BUB1B: variants seen among roughly 807,000 people sequenced by gnomAD.
BUB1B encodes BUB1 mitotic checkpoint serine/threonine kinase B.
In BUB1B, 86 loss-of-function variants were observed where a neutral mutation model predicts 137.7. That is an observed-to-expected ratio of 0.62 (90% confidence interval 0.52 to 0.75). The LOEUF (loss-of-function observed/expected upper bound fraction) is 0.75. Ranked by LOEUF, BUB1B falls within the 30% of genes least tolerant of loss-of-function variation. The pLI is 0.00. For missense variants in BUB1B, 1,130 were observed against 1,236.9 expected, an observed-to-expected ratio of 0.91 and a Z score of 1.30; for synonymous variants, 420 against 417.9, an observed-to-expected ratio of 1.00 and a Z score of -0.06.
chr15:40,193,470 T>A (rs1449275659), intron 8 of BUB1B, among the ~76,000 whole-genome samples: 9 of 129,780 alleles, frequency 6.9e-5, no homozygotes, highest in Non-Finnish European at 1.1e-4. Context: ...TATTACCACT[T>A]TTTTTTTTTT....
At chr15:40,193,582 C>G (rs1349861430) in intron 8 of BUB1B, among the ~76,000 whole-genome samples, 1 of 148,462 alleles carries the variant, frequency 6.7e-6, no homozygotes, top group African/African-American at 2.5e-5. Context: ...ACTATAGGTG[C>G]ATGACACCAT....
In BUB1B at chr15:40,208,749, G is replaced by A; in HGVS notation, c.2122G>A (p.Glu708Lys). ...ATGTCTTCAAATTCCTGAGAAACTA[G>A]AACTTACTAATGAGACTTCAGGTAG... is the stretch of plus-strand genomic sequence containing the variant. Reference protein sequence around the residue: ...IKCLQIPEKLELTNETSENPT... With the variant: ...IKCLQIPEKLKLTNETSENPT... Residue 708 changes from glutamate to lysine, a missense_variant, in exon 16 of 23, where the codon GAA becomes AAA. By Grantham distance (56) the Glu-to-Lys change is moderately conservative. Transcript: ENST00000287598. The A allele has an allele frequency of 6.2e-7, 1 of 1,613,102 alleles. No individual in the cohort carries two copies. The highest frequency in any genetic ancestry group is 1.1e-5 in the South Asian group (1 of 91,052).
At chr15:40,172,186 AAAAT>A (rs566633788) in intron 4 of BUB1B, among the ~76,000 whole-genome samples, 10 of 150,860 alleles carry the variant, frequency 6.6e-5, no homozygotes, top group African/African-American at 1.2e-4. Flanking sequence ...ATTTCTTACT[AAAAT>A]AAAGTAATAA....
chr15:40,170,665 A>G lies in BUB1B; in HGVS notation c.368A>G (p.Asn123Ser), dbSNP rs759232092. 1.4e-5 allele frequency: 23 copies of G among 1,613,756 alleles called. No individual in the cohort carries two copies. Among genetic ancestry groups the G allele is most frequent in the African/African-American group, 2.7e-5 (2 of 75,052 alleles). Residue 123 changes from asparagine to serine, a missense_variant, in exon 4 of 23, where the codon AAT (asparagine) becomes AGT (serine). Asn to Ser is a conservative substitution (Grantham distance 46). Transcript: ENST00000287598. ...TATTATAGTGATCCTCGATTTCTCA[A>G]TCTCTGGCTTAAATTAGTAAGTCTT... ...KRYYSDPRFLNLWLKLGRLCN... is the reference protein window; with the variant it reads ...KRYYSDPRFLSLWLKLGRLCN...
At chr15:40,174,140 G>A (rs758990390) in intron 4 of BUB1B, among the ~76,000 whole-genome samples, 2 of 151,972 alleles carry the variant, frequency 1.3e-5, no homozygotes, top group East Asian at 1.9e-4. Flanking sequence ...GCTGTCCCAC[G>A]CACAAGAACA....
chr15:40,185,853 C>G (rs986882487), intron 8 of BUB1B, among the ~76,000 whole-genome samples: 1 of 151,740 alleles, frequency 6.6e-6, no homozygotes, highest in Admixed American at 6.6e-5. Context: ...CTAGTGAGAC[C>G]CTGTCTCTAT....
Position 40,195,610 on chromosome 15 carries a change from G to A in BUB1B, c.1059-935G>A, listed in dbSNP as rs147777401. Among the ~76,000 whole-genome samples, 41 of 152,224 alleles carry A rather than the reference G, an allele frequency of 2.7e-4. No individual in the cohort carries two copies. In the East Asian group the frequency reaches 7.7e-3, roughly 29 times the overall value. ...TTACATTCCCCCCAACAGTGTAAAC[G>A]TGTTCCCGTTTCACCACATCCATGC... On this transcript the variant is annotated intron_variant, in intron 8 of 22. Coordinates refer to ENST00000287598, the MANE Select transcript of BUB1B (RefSeq NM_001211.6).
chr15:40,176,638 G>A lies in BUB1B; in HGVS notation c.546G>A (p.Lys182=). Residue 182 remains lysine, a synonymous_variant, in exon 5 of 23, where the codon AAG becomes AAA. Coordinates refer to ENST00000287598, the MANE Select transcript of BUB1B (RefSeq NM_001211.6). ...TATTTCAGGAAGGGATTCAACAGAA[G>A]GCTGAACCACTAGAAAGACTACAGT... ...DAIFQEGIQQ[K]AEPLERLQSQ... 6.2e-7 allele frequency: 1 copy of A among 1,614,086 alleles called. No homozygotes were observed. Among genetic ancestry groups the A allele is most frequent in the South Asian group, 1.1e-5 (1 of 91,078 alleles).
intron 6 of BUB1B, among the ~76,000 whole-genome samples, chr15:40,184,707 T>A (rs2037338119): frequency 6.6e-6 from 1 of 152,170 alleles, no homozygotes; most frequent in Non-Finnish European, 1.5e-5. Flanking sequence ...ATCCAGATCA[T>A]GATGAAGCTT....
chr15:40,188,636 G>A (rs996771416), intron 8 of BUB1B, among the ~76,000 whole-genome samples: 7 of 143,232 alleles, frequency 4.9e-5, no homozygotes, highest in Admixed American at 3.5e-4. Flanking sequence ...AGGCTGGAGT[G>A]CAGTGGCGCC....
At chr15:40,198,225 C>G (rs2037521253) in intron 9 of BUB1B, among the ~76,000 whole-genome samples, 1 of 147,554 alleles carries the variant, frequency 6.8e-6, no homozygotes, top group Non-Finnish European at 1.5e-5. Flanking sequence ...TTTTTTAATA[C>G]TCATTTCTAT....
At chr15:40,218,342 G>A in intron 21 of BUB1B, 114 bp from the exon 22 acceptor site, 1 of 776,574 alleles carries the variant, frequency 1.3e-6, no homozygotes, top group South Asian at 1.5e-5. Context: ...TAAAATGTAT[G>A]TCATAAAATA....
rs374318039 is a variant in BUB1B, at chr15:40,218,237, ATCTT to A, written c.2851-217_2851-214del. Among the ~76,000 whole-genome samples, 492 of 152,336 alleles carry A rather than the reference ATCTT, an allele frequency of 3.2e-3. 2 individuals are homozygous for A. The highest frequency in any genetic ancestry group is 0.011 in the African/African-American group (472 of 41,572). On this transcript the variant is annotated intron_variant, in intron 21 of 22. Coordinates refer to ENST00000287598, the MANE Select transcript of BUB1B (RefSeq NM_001211.6). The stretch of plus-strand genomic sequence containing the variant: ...TTGAATGTGATAGTCCAAATATTTC[ATCTT>A]TTGTTCTTAAGGATAATTCCTAGAA...
At chr15:40,209,562 T>C in intron 16 of BUB1B, 73 bp from the exon 17 acceptor site, 1 of 1,566,398 alleles carries the variant, frequency 6.4e-7, no homozygotes, top group Non-Finnish European at 8.8e-7. Context: ...TTTCTTCTAC[T>C]CTGTTATAAT....
intron 1 of BUB1B, among the ~76,000 whole-genome samples, chr15:40,163,406 C>T (rs2037060879): frequency 6.6e-6 from 1 of 152,186 alleles, no homozygotes; most frequent in Non-Finnish European, 1.5e-5. Flanking sequence ...AGGCCTGTCT[C>T]TATTTAAAAA....
intron 14 of BUB1B, 104 bp from the exon 15 acceptor site, chr15:40,206,080 C>A (rs1388663555): frequency 2.6e-6 from 3 of 1,176,294 alleles, no homozygotes; most frequent in Non-Finnish European, 3.8e-6. Flanking sequence ...TTCTGATATG[C>A]TATTTCTGTA....
intron 1 of BUB1B, among the ~76,000 whole-genome samples, chr15:40,161,471 C>A (rs1402293423): frequency 6.6e-6 from 1 of 152,120 alleles, no homozygotes; most frequent in Non-Finnish European, 1.5e-5. Flanking sequence ...AGCTTCAAAG[C>A]GAAGAAGGCT....
intron 21 of BUB1B, 43 bp from the exon 22 acceptor site, chr15:40,218,413 G>C (rs767495202): frequency 1.4e-6 from 2 of 1,429,980 alleles, no homozygotes; most frequent in East Asian, 2.3e-5. Flanking sequence ...CCATGGTAGA[G>C]GCAGAGAATT....
intron 11 of BUB1B, among the ~76,000 whole-genome samples, chr15:40,200,619 A>T (rs184949639): frequency 1.3e-5 from 2 of 152,300 alleles, no homozygotes; most frequent in East Asian, 3.9e-4. Flanking sequence ...TACCACTAAG[A>T]GATGATTACC....
Sources: gnomAD v4.1 joint callset for allele counts (sites outside exome capture counted in the v4.1 genomes callset) on GRCh38, gnomAD v4.1.1 for gene constraint, MANE v1.5 for transcripts, NCBI Gene and HGNC (gene_info 2026-07-23, HGNC 2026-07-21) for gene names.